The following PIK3CG variants were observed in gnomAD, a reference collection of about 807,000 sequenced individuals.
PIK3CG encodes the protein phosphatidylinositol-4,5-bisphosphate 3-kinase catalytic subunit gamma.
In PIK3CG, 55 loss-of-function variants were observed where a neutral mutation model predicts 102.3. That is an observed-to-expected ratio of 0.54 (90% CI 0.43 to 0.67). The LOEUF (loss-of-function observed/expected upper bound fraction) is 0.67, where lower values mean the gene tolerates loss of function less well. PIK3CG is among the 30% of genes least tolerant of loss of function. The probability of loss-of-function intolerance (pLI) is 0.00; values close to 1 mark genes in which losing one functional copy is unlikely to be tolerated. For synonymous variants in PIK3CG, 552 were observed against 540.0 expected (o/e 1.02, Z -0.31); for missense variants, 1,258 against 1,391.8 (o/e 0.90, Z 1.53).
rs1791243640 is a variant in PIK3CG, at chr7:106,890,689, C to T, written c.3030+4397C>T. On this transcript the variant is annotated intron_variant, in intron 10 of 10. Transcript: ENST00000496166. The surrounding 1 kb of genome is among the most constrained non-coding windows in gnomAD (Gnocchi z 4.2). ...ACTTAAGAAATAGATATGTTCGTCT[C>T]TTCAAATTGAGTAAGGCTGATTAAC... 6.6e-6 allele frequency among the ~76,000 whole-genome samples: 1 copy of T among 152,240 alleles called. No homozygotes were observed. The highest frequency in any genetic ancestry group is 2.1e-4 in the South Asian group (1 of 4,838).
intron 1 of PIK3CG, among the ~76,000 whole-genome samples, chr7:106,866,899 G>A (rs1478657275): frequency 6.6e-6 from 1 of 152,156 alleles, no homozygotes; most frequent in Non-Finnish European, 1.5e-5. Context: ...TAGATCCTAG[G>A]TCCAGGCAGT....
intron 5 of PIK3CG, among the ~76,000 whole-genome samples, chr7:106,878,634 GAA>G (rs1465490802): frequency 1.3e-5 from 2 of 152,172 alleles, no homozygotes; most frequent in Non-Finnish European, 2.9e-5. Context: ...TTCAATGTCT[GAA>G]AAGAGTTTTA....
At position 106,892,001 on chromosome 7, in the gene PIK3CG, A is replaced by G. The variant is rs2098483913; in HGVS notation, c.3030+5709A>G. The stretch of plus-strand genomic sequence containing the variant: ...TCCATCTCTTCTGTGGTCTAGCTCT[A>G]CTCTTGGGTCCCACATTGTTTTAAC... On this transcript the variant is annotated intron_variant, in intron 10 of 10. Transcript: ENST00000496166. The surrounding 1 kb of genome is among the most constrained non-coding windows in gnomAD (Gnocchi z 5.2). 6.6e-6 allele frequency among the ~76,000 whole-genome samples: 1 copy of G among 151,252 alleles called. No individual in the cohort carries two copies. The highest frequency in any genetic ancestry group is 1.5e-5 in the Non-Finnish European group (1 of 67,836).
In PIK3CG at chr7:106,893,394, G is replaced by A. The variant is rs1404660415; in HGVS notation, c.3030+7102G>A. On this transcript the variant is annotated intron_variant, in intron 10 of 10. Transcript: ENST00000496166. This position sits in a 1 kb window ranked among gnomAD's most constrained non-coding sequence, Gnocchi z 4.4. ...CTTGTGCGGCTTGTCAAACTGTTAG[G>A]ACTTTATTAAGCTTGTCAAATTTAA... Among the ~76,000 whole-genome samples, 1 of 152,140 alleles carries A rather than the reference G, an allele frequency of 6.6e-6. No individual in the cohort carries two copies. Among genetic ancestry groups the A allele is most frequent in the East Asian group, 1.9e-4 (1 of 5,192 alleles).
intron 6 of PIK3CG, among the ~76,000 whole-genome samples, chr7:106,881,582 C>T (rs1475833082): frequency 2.0e-5 from 3 of 152,172 alleles, no homozygotes; most frequent in Admixed American, 6.5e-5. Flanking sequence ...CATGGTGGCT[C>T]ACGCCTGTAA....
chr7:106,908,123 T>C lies in PIK3CG; in HGVS notation c.*2736T>C, dbSNP rs143106811. 6.6e-6 allele frequency among the ~76,000 whole-genome samples: 1 copy of C among 152,260 alleles called. No individual in the cohort carries two copies. The highest frequency in any genetic ancestry group is 1.9e-4 in the East Asian group (1 of 5,182). ...GGCCAAAGCAACTTTTATGTATATC[T>C]AGGACTGGCGACATAATTTGCAGAG... On this transcript the variant is annotated 3_prime_UTR_variant, in exon 11 of 11. Coordinates refer to ENST00000496166, the MANE Select transcript of PIK3CG (RefSeq NM_001282426.2). This position sits in a 1 kb window ranked among gnomAD's most constrained non-coding sequence, Gnocchi z 4.1.
At position 106,891,491 on chromosome 7, in the gene PIK3CG, C is replaced by T. The variant is rs1462204808; in HGVS notation, c.3030+5199C>T. Among the ~76,000 whole-genome samples, 1 of 152,110 alleles carries T rather than the reference C, an allele frequency of 6.6e-6. No individual in the cohort carries two copies. Among genetic ancestry groups the T allele is most frequent in the African/African-American group, 2.4e-5 (1 of 41,404 alleles). On this transcript the variant is annotated intron_variant, in intron 10 of 10. Transcript: ENST00000496166. This position sits in a 1 kb window ranked among gnomAD's most constrained non-coding sequence, Gnocchi z 4.4. The stretch of plus-strand genomic sequence containing the variant: ...ATATTTCTTTCCAGTCAGAGCTGTA[C>T]CTTTTGCCAAGAGAACAGGGCATGG...
In PIK3CG at chr7:106,902,158, C is replaced by T. The variant is rs1381749487; in HGVS notation, c.3031-2951C>T. On this transcript the variant is annotated intron_variant, in intron 10 of 10. Transcript: ENST00000496166. This position sits in a 1 kb window ranked among gnomAD's most constrained non-coding sequence, Gnocchi z 4.3. The stretch of plus-strand genomic sequence containing the variant: ...ATTTGCTTGTCACCTGGGGACTCCA[C>T]CCCAGAGAGATGCAGGTCAGCAGTG... 2.0e-5 allele frequency among the ~76,000 whole-genome samples: 3 copies of T among 152,130 alleles called. No individual in the cohort carries two copies. The highest frequency in any genetic ancestry group is 1.9e-4 in the East Asian group (1 of 5,188).
Position 106,868,060 on chromosome 7 carries a change from A to G in PIK3CG, c.499A>G (p.Asn167Asp). The G allele has an allele frequency of 6.2e-7, 1 of 1,612,862 alleles. No homozygotes were observed. Among genetic ancestry groups the G allele is most frequent in the Non-Finnish European group, 8.5e-7 (1 of 1,179,276 alleles). Reference protein sequence around the residue: ...LIGYDVTDVSNVHDDELEFTR... With the variant: ...LIGYDVTDVSDVHDDELEFTR... Reference sequence around the variant, plus strand: ...TGGCTATGACGTCACTGACGTCAGCAACGTGCACGACGATGAGCTGGAGTT... The same window carrying G: ...TGGCTATGACGTCACTGACGTCAGCGACGTGCACGACGATGAGCTGGAGTT... The change falls in exon 2 of 11, where the codon AAC becomes GAC. Residue 167 changes from asparagine (N) to aspartate (D), a missense_variant. Transcript: ENST00000496166. The surrounding 1 kb of genome is among the most constrained non-coding windows in gnomAD (Gnocchi z 6.2).
intron 10 of PIK3CG, among the ~76,000 whole-genome samples, chr7:106,889,013 C>T (rs1003120147): frequency 6.6e-6 from 1 of 152,122 alleles, no homozygotes; most frequent in African/African-American, 2.4e-5. Flanking sequence ...AAATGGTAGC[C>T]GCCATTGTTG....
In PIK3CG at chr7:106,868,509, C is replaced by A. The variant is rs1251779029; in HGVS notation, c.948C>A (p.Asp316Glu). ...VLDTPPDPALDEVRKEEWPLV... is the reference protein window; with the variant it reads ...VLDTPPDPALEEVRKEEWPLV... The stretch of plus-strand genomic sequence containing the variant: ...ACACGCCTCCAGACCCGGCCCTAGA[C>A]GAGGTGAGGAAGGAAGAGTGGCCAC... Residue 316 changes from aspartate to glutamate, a missense_variant, in exon 2 of 11, where the codon GAC becomes GAA. Asp to Glu is a conservative substitution (Grantham distance 45). Around this residue, in one of 2 missense-constraint regions of PIK3CG, gnomAD observed 832 missense variants for 787.5 expected, o/e 1.06. Coordinates refer to ENST00000496166, the MANE Select transcript of PIK3CG (RefSeq NM_001282426.2). This position sits in a 1 kb window ranked among gnomAD's most constrained non-coding sequence, Gnocchi z 6.2. The A allele has an allele frequency of 6.2e-7, 1 of 1,614,104 alleles. No individual in the cohort carries two copies. The highest frequency in any genetic ancestry group is 1.1e-5 in the South Asian group (1 of 91,084).
In PIK3CG at chr7:106,884,330, T is replaced by C; in HGVS notation, c.2872+64T>C. ...AAAATATATATAACATAACATTTAC[T>C]ATTTTAACTCTAATTAACTGTAAGT... On this transcript the variant is annotated intron_variant, in intron 9 of 10. Transcript: ENST00000496166. This position sits in a 1 kb window ranked among gnomAD's most constrained non-coding sequence, Gnocchi z 4.2. 9.6e-7 allele frequency: 1 copy of C among 1,045,746 alleles called. No homozygotes were observed. Among genetic ancestry groups the C allele is most frequent in the Middle Eastern group, 2.0e-4 (1 of 4,880 alleles). 64.8% of individuals were successfully genotyped at this position (1,045,746 alleles called of 1,614,324 possible). A position where few individuals can be genotyped will look rare whatever the true frequency, so the allele number is the denominator to read the frequency against.
rs945222564 is a variant in PIK3CG, at chr7:106,874,795, G to T, written c.2383G>T (p.Ala795Ser). 6.2e-7 allele frequency: 1 copy of T among 1,608,074 alleles called. No individual in the cohort carries two copies. The highest frequency in any genetic ancestry group is 1.3e-5 in the African/African-American group (1 of 74,778). ...VPYDPGLKAG[A>S]LAIEKCKVMA... ...ATATGATCCTGGACTGAAAGCAGGA[G>T]CGCTGGCAGTAGGTATCACTTGGAT... Residue 795 changes from alanine (A) to serine (S), a missense_variant, in exon 5 of 11, where the codon GCG (alanine) becomes TCG (serine). Around this residue, in one of 2 missense-constraint regions of PIK3CG, gnomAD observed 426 missense variants for 604.2 expected, o/e 0.71. Transcript: ENST00000496166. The surrounding 1 kb of genome is among the most constrained non-coding windows in gnomAD (Gnocchi z 4.3).
Position 106,884,535 on chromosome 7 carries a change from T to C in PIK3CG, c.2872+269T>C, listed in dbSNP as rs1031562487. Among the ~76,000 whole-genome samples, 1 of 152,132 alleles carries C rather than the reference T, an allele frequency of 6.6e-6. No homozygotes were observed. Among genetic ancestry groups the C allele is most frequent in the Non-Finnish European group, 1.5e-5 (1 of 68,010 alleles). On this transcript the variant is annotated intron_variant, in intron 9 of 10. Transcript: ENST00000496166. The surrounding 1 kb of genome is among the most constrained non-coding windows in gnomAD (Gnocchi z 4.2). ...ATGGAGTTTAAGACTGGAGCACATATTTAGAAGTCATTGTGTAGGGACACT... is the reference window on the plus strand; with the variant it reads ...ATGGAGTTTAAGACTGGAGCACATACTTAGAAGTCATTGTGTAGGGACACT...
chr7:106,874,808 G>T lies in PIK3CG; in HGVS notation c.2391+5G>T. ...CTGAAAGCAGGAGCGCTGGCAGTAG[G>T]TATCACTTGGATGTCTCCATGTGGT... On this transcript the variant is annotated splice_donor_5th_base_variant and intron_variant, in intron 5 of 10. Transcript: ENST00000496166. This position sits in a 1 kb window ranked among gnomAD's most constrained non-coding sequence, Gnocchi z 4.3. The T allele has an allele frequency of 6.3e-7, 1 of 1,586,762 alleles. No individual in the cohort carries two copies. Among genetic ancestry groups the T allele is most frequent in the East Asian group, 2.2e-5 (1 of 44,734 alleles).
rs571080689 is a variant in PIK3CG at position 106,906,831 on chromosome 7, C to CT, written c.*1461dup. 0.37 allele frequency: 66,556 copies of CT among 180,538 alleles called. 10,648 individuals are homozygous for CT. Among genetic ancestry groups the CT allele is most frequent in the South Asian group, 0.44 (1,931 of 4,436 alleles). 11.2% of individuals were successfully genotyped at this position (180,538 alleles called of 1,614,324 possible). ...GACTTTGAGGTAGTCCAGACCTTTT[C>CT]TTTTTTTTTTTTTTTTTAATGTGTG... On this transcript the variant is annotated 3_prime_UTR_variant, in exon 11 of 11. Transcript: ENST00000496166.
chr7:106,896,001 A>C (rs1200271962), intron 10 of PIK3CG, among the ~76,000 whole-genome samples: 2 of 152,192 alleles, frequency 1.3e-5, no homozygotes, highest in Non-Finnish European at 2.9e-5. Flanking sequence ...GAATCTCGAC[A>C]CTGTGTTTGA....
At chr7:106,888,120 T>C (rs1485039584) in intron 10 of PIK3CG, among the ~76,000 whole-genome samples, 1 of 151,934 alleles carries the variant, frequency 6.6e-6, no homozygotes, top group East Asian at 1.9e-4. Flanking sequence ...TTTGTATTTT[T>C]AGTAGAGACA....
chr7:106,876,270 G>A (rs849369), intron 5 of PIK3CG, among the ~76,000 whole-genome samples: 141,415 of 152,222 alleles, frequency 0.93, 65,793 homozygotes, highest in East Asian at 1. Flanking sequence ...GTATCTCACT[G>A]TTGTTTTTAT....
Sources: allele counts gnomAD v4.1 joint callset (sites outside exome capture counted in the v4.1 genomes callset), GRCh38; gene constraint gnomAD v4.1.1; regional missense constraint gnomAD v4.1.1; non-coding constraint Gnocchi (gnomAD v3.1); transcripts MANE v1.5; gene names NCBI Gene and HGNC (gene_info 2026-07-23, HGNC 2026-07-21).